PLA2G4D: variants seen among roughly 807,000 people sequenced by gnomAD.
PLA2G4D encodes the protein phospholipase A2 group IVD.
A neutral mutation model predicts 94.4 loss-of-function variants in PLA2G4D; 80 were observed. That is an observed-to-expected ratio of 0.85 (90% CI 0.71 to 1.02). PLA2G4D has a LOEUF of 1.02. PLA2G4D is among the 50% of genes least tolerant of loss of function. PLA2G4D has a pLI of 0.00. For synonymous variants in PLA2G4D, 438 were observed against 440.9 expected, an observed-to-expected ratio of 0.99 and a Z score of 0.08; for missense variants, 1,050 against 1,034.7, an observed-to-expected ratio of 1.01 and a Z score of -0.20.
At chr15:42,090,636 TG>T (rs1191777230) in intron 1 of PLA2G4D, among the ~76,000 whole-genome samples, 1 of 152,182 alleles carries the variant, frequency 6.6e-6, no homozygotes, top group Non-Finnish European at 1.5e-5. Context: ...CCCCTGGTCC[TG>T]GGGACTCAGT....
At chr15:42,076,582 T>C (rs1446317976) in intron 13 of PLA2G4D, among the ~76,000 whole-genome samples, 2 of 152,192 alleles carry the variant, frequency 1.3e-5, no homozygotes, top group Non-Finnish European at 2.9e-5. Flanking sequence ...AGGTAATTCA[T>C]GGAAGAGGAA....
Position 42,071,428 on chromosome 15 carries a change from C to A in PLA2G4D, c.1681+16G>T, listed in dbSNP as rs202242581. The A allele has an allele frequency of 6.2e-7, 1 of 1,602,736 alleles. No homozygotes were observed. The highest frequency in any genetic ancestry group is 8.5e-7 in the Non-Finnish European group (1 of 1,172,598). On this transcript the variant is annotated intron_variant, in intron 16 of 19. Transcript: ENST00000290472. ...CAGCGTCATCCCAGGCCCCTCAGTG[C>A]CCCTGCCCTTCCCACCTAAGCTCCT...
chr15:42,086,648 C>T (rs1411341136), intron 3 of PLA2G4D, among the ~76,000 whole-genome samples: 2 of 151,898 alleles, frequency 1.3e-5, no homozygotes, highest in Non-Finnish European at 2.9e-5. Flanking sequence ...GTCGAGAGTT[C>T]GAGACCAGCC....
chr15:42,083,838 C>G, intron 6 of PLA2G4D, 59 bp from the exon 7 acceptor site: 2 of 1,558,738 alleles, frequency 1.3e-6, no homozygotes, highest in South Asian at 2.2e-5. Context: ...GTCCCCTTAA[C>G]CTCAACCCTC....
rs2141090065 is a variant in PLA2G4D, at chr15:42,067,995, G to C, written c.*720C>G. ...AGGCATTCAGATCAGACAGGAAGAA[G>C]TAAAACCATCTCTATTTGGAGATGG... On this transcript the variant is annotated 3_prime_UTR_variant, in exon 20 of 20. Transcript: ENST00000290472. The C allele has an allele frequency of 6.6e-6, 1 of 152,322 alleles. No homozygotes were observed. Among genetic ancestry groups the C allele is most frequent in the East Asian group, 1.9e-4 (1 of 5,188 alleles). The allele number at this position is 152,322 out of a possible 1,614,324, so 9.4% of individuals were successfully genotyped here. A position where few individuals can be genotyped will look rare whatever the true frequency, so the allele number is the denominator to read the frequency against.
At position 42,069,939 on chromosome 15, in the gene PLA2G4D, T is replaced by C; in HGVS notation, c.2200A>G (p.Asn734Asp). The C allele has an allele frequency of 6.9e-7, 1 of 1,444,622 alleles. No individual in the cohort carries two copies. The highest frequency in any genetic ancestry group is 1.5e-5 in the South Asian group (1 of 67,454). The allele number at this position is 1,444,622 out of a possible 1,614,324, so 89.5% of individuals were successfully genotyped here. The part of the protein sequence containing the change: ...APILLHFPLV[N>D]ASFKDHSAPG... ...GCTGAGTGGTCCTTGAAGGAGGCATTGACCAGCGGGAAGTGCAGCAGGATC... is the reference window on the plus strand; with the variant it reads ...GCTGAGTGGTCCTTGAAGGAGGCATCGACCAGCGGGAAGTGCAGCAGGATC... Residue 734 changes from asparagine to aspartate, a missense_variant, in exon 19 of 20, where the codon AAT (asparagine) becomes GAT (aspartate). Coordinates refer to ENST00000290472, the MANE Select transcript of PLA2G4D (RefSeq NM_178034.4).
At chr15:42,083,083 CTGA>C in intron 8 of PLA2G4D, 112 bp downstream of exon 8, 1 of 1,401,092 alleles carries the variant, frequency 7.1e-7, no homozygotes, top group African/African-American at 1.4e-5. Flanking sequence ...CTAGGGGAGG[CTGA>C]CAAGGCCACA....
chr15:42,093,753 A>G (rs1201217572), intron 1 of PLA2G4D, among the ~76,000 whole-genome samples: 1 of 152,236 alleles, frequency 6.6e-6, no homozygotes, highest in Non-Finnish European at 1.5e-5. Context: ...CGAGGTCTGC[A>G]TATGAGGCAA....
chr15:42,079,167 C>G (rs1319970516), intron 13 of PLA2G4D, among the ~76,000 whole-genome samples: 1 of 152,130 alleles, frequency 6.6e-6, no homozygotes, highest in Non-Finnish European at 1.5e-5. Context: ...AGAACCCAGG[C>G]AATCTGGTTA....
At chr15:42,083,168 T>C in intron 8 of PLA2G4D, 30 bp downstream of exon 8, 1 of 1,602,768 alleles carries the variant, frequency 6.2e-7, no homozygotes, top group African/African-American at 1.3e-5. Context: ...AAGCCTAGGA[T>C]TGCAAACGAG....
chr15:42,088,944 C>T (rs538175047), intron 1 of PLA2G4D, among the ~76,000 whole-genome samples: 3 of 152,312 alleles, frequency 2.0e-5, no homozygotes, highest in East Asian at 1.9e-4. Flanking sequence ...TGCAGTGTGG[C>T]GGCCCTGCTG....
intron 13 of PLA2G4D, among the ~76,000 whole-genome samples, chr15:42,077,014 A>C (rs1889941922): frequency 6.6e-6 from 1 of 152,236 alleles, no homozygotes; most frequent in South Asian, 2.1e-4. Flanking sequence ...GACACATTCA[A>C]CCTACCAAGA....
intron 13 of PLA2G4D, among the ~76,000 whole-genome samples, chr15:42,075,451 G>A (rs1311074147): frequency 6.6e-6 from 1 of 152,186 alleles, no homozygotes; most frequent in African/African-American, 2.4e-5. Flanking sequence ...AACTTAAACA[G>A]TAGATCCAAA....
In PLA2G4D at chr15:42,083,263, T is replaced by C. The variant is rs1208998082; in HGVS notation, c.607A>G (p.Thr203Ala). 1.9e-6 allele frequency: 3 copies of C among 1,614,022 alleles called. No individual in the cohort carries two copies. The highest frequency in any genetic ancestry group is 1.7e-6 in the Non-Finnish European group (2 of 1,179,994). ...TAGTGGAAGCGGAAGGCAGAGGCTGTGCCCAGGAAGGATGTCTGTGTGTCC... is the reference window on the plus strand; with the variant it reads ...TAGTGGAAGCGGAAGGCAGAGGCTGCGCCCAGGAAGGATGTCTGTGTGTCC... ...YEDTQTSFLGTASAFRFHYMA... is the reference protein window; with the variant it reads ...YEDTQTSFLGAASAFRFHYMA... The change falls in exon 8 of 20, where the codon ACA becomes GCA. Residue 203 changes from threonine to alanine, a missense_variant. Physicochemically the swap from Thr to Ala is moderately conservative, Grantham distance 58. Transcript: ENST00000290472.
In PLA2G4D at chr15:42,083,955, T is replaced by C. The variant is rs147888581; in HGVS notation, c.472-176A>G. On this transcript the variant is annotated intron_variant, in intron 6 of 19. Coordinates refer to ENST00000290472, the MANE Select transcript of PLA2G4D (RefSeq NM_178034.4). The stretch of plus-strand genomic sequence containing the variant: ...CCCATTGCCGATCCTCTGCCGCGGC[T>C]GAACCTGATATTCCGCAGCAGCCAG... 226 of 615,688 alleles carry C rather than the reference T, an allele frequency of 3.7e-4. 1 individual carries two copies. In the African/African-American group the frequency reaches 3.8e-3, roughly 10 times the overall value. 38.1% of individuals were successfully genotyped at this position (615,688 alleles called of 1,614,324 possible).
chr15:42,090,799 A>G (rs916917713), intron 1 of PLA2G4D, among the ~76,000 whole-genome samples: 8 of 152,296 alleles, frequency 5.3e-5, no homozygotes, highest in Non-Finnish European at 1.2e-4. Context: ...TTCGCCAGGG[A>G]GATGAGTTGA....
Position 42,072,282 on chromosome 15 carries a change from G to A in PLA2G4D, c.1428C>T (p.Asp476=), listed in dbSNP as rs756022436. The A allele has an allele frequency of 6.8e-6, 11 of 1,613,264 alleles. No homozygotes were observed. In the Admixed American group the frequency reaches 1.0e-4, roughly 15 times the overall value. ...GAGTAGGTAGAACTGTACCCTTGAA[G>A]TCCAGTGTCTCCAGATTGTTCTCTT... The part of the protein sequence containing the change: ...NVKENNLETL[D]FKEWVEFSPY... Residue 476 remains aspartate (D), a synonymous_variant, in exon 14 of 20, where the codon GAC becomes GAT. Coordinates refer to ENST00000290472, the MANE Select transcript of PLA2G4D (RefSeq NM_178034.4).
At chr15:42,079,406 T>C in intron 13 of PLA2G4D, 131 bp downstream of exon 13, 1 of 859,510 alleles carries the variant, frequency 1.2e-6, no homozygotes, top group Non-Finnish European at 1.7e-6. Flanking sequence ...CATTCCAAAG[T>C]GAGGCAGACA....
chr15:42,070,646 G>A (rs2459691), intron 18 of PLA2G4D, 71 bp downstream of exon 18: 1 of 1,481,484 alleles, frequency 6.7e-7, no homozygotes, highest in Non-Finnish European at 9.1e-7. Context: ...CAGGGGCTCA[G>A]TGGCCCTGCT....
Sources: gnomAD v4.1 joint callset for allele counts (sites outside exome capture counted in the v4.1 genomes callset) on GRCh38, gnomAD v4.1.1 for gene constraint, MANE v1.5 for transcripts, NCBI Gene and HGNC (gene_info 2026-07-23, HGNC 2026-07-21) for gene names.